Variants in HSPA4L observed in about 807,000 individuals in gnomAD.
HSPA4L encodes heat shock 70 kDa protein 4L.
Under a neutral mutation model 100.3 loss-of-function variants are expected in HSPA4L, and 48 were observed. The observed-to-expected ratio is 0.48, with a 90% CI of 0.38 to 0.61. The LOEUF is 0.61. Among genes scored for constraint, HSPA4L ranks in the 20% least tolerant of loss-of-function variants. HSPA4L has a pLI of 0.00. For synonymous variants in HSPA4L, 319 were observed against 328.2 expected (o/e 0.97, Z 0.30); for missense variants, 886 against 988.6 (o/e 0.90, Z 1.39).
At chr4:127,794,015 C>A in intron 1 of HSPA4L, 62 bp from the exon 2 acceptor site, 1 of 1,176,510 alleles carries the variant, frequency 8.5e-7, no homozygotes, top group Non-Finnish European at 1.2e-6. Flanking sequence ...TAAGGAGAAG[C>A]AAAATAATAG....
intron 12 of HSPA4L, chr4:127,812,754 C>G: frequency 7.1e-7 from 1 of 1,405,262 alleles, no homozygotes; most frequent in East Asian, 2.3e-5. Flanking sequence ...GTTCCAGCAG[C>G]TCAGGCTCCT....
At chr4:127,785,928 T>C (rs1156469641) in intron 1 of HSPA4L, among the ~76,000 whole-genome samples, 2 of 152,224 alleles carry the variant, frequency 1.3e-5, no homozygotes, top group African/African-American at 2.4e-5. Context: ...AGAAGTAGAA[T>C]TACTGAGTGT....
intron 2 of HSPA4L, 75 bp downstream of exon 2, chr4:127,794,209 T>C: frequency 8.5e-7 from 1 of 1,180,502 alleles, no homozygotes; most frequent in Non-Finnish European, 1.3e-6. Context: ...CCTTAAGTTA[T>C]ATTGTTAAGA....
At chr4:127,799,868 A>G (rs898950433) in intron 4 of HSPA4L, among the ~76,000 whole-genome samples, 5 of 152,212 alleles carry the variant, frequency 3.3e-5, no homozygotes, top group African/African-American at 9.6e-5. Flanking sequence ...TGAACCATGC[A>G]TGATAACTTA....
intron 11 of HSPA4L, among the ~76,000 whole-genome samples, chr4:127,810,416 T>A (rs977078436): frequency 1.3e-5 from 2 of 152,134 alleles, no homozygotes; most frequent in Non-Finnish European, 2.9e-5. Flanking sequence ...CGTTAGAAAT[T>A]TGTTGTCTCA....
At chr4:127,825,890 C>G (rs1733936929) in intron 16 of HSPA4L, among the ~76,000 whole-genome samples, 1 of 146,376 alleles carries the variant, frequency 6.8e-6, no homozygotes, top group Non-Finnish European at 1.5e-5. Context: ...TGCGTCATTG[C>G]ACTCCAGCTT....
chr4:127,812,401 TC>T (rs1277974522), intron 12 of HSPA4L, among the ~76,000 whole-genome samples: 1 of 138,210 alleles, frequency 7.2e-6, no homozygotes, highest in African/African-American at 2.7e-5. Context: ...AGAGCGAGAC[TC>T]CATCTCAAAA....
chr4:127,792,261 A>G (rs935786885), intron 1 of HSPA4L, among the ~76,000 whole-genome samples: 6 of 152,212 alleles, frequency 3.9e-5, no homozygotes, highest in African/African-American at 1.4e-4. Context: ...CCTTGATACT[A>G]TCTTATCAAA....
chr4:127,782,783 G>A, intron 1 of HSPA4L, 126 bp downstream of exon 1: 1 of 676,298 alleles, frequency 1.5e-6, no homozygotes, highest in Non-Finnish European at 2.4e-6. Flanking sequence ...CGAGATGACA[G>A]GTGCAACCCG....
chr4:127,808,417 C>G (rs1440921811), intron 11 of HSPA4L, among the ~76,000 whole-genome samples: 1 of 151,516 alleles, frequency 6.6e-6, no homozygotes, highest in Admixed American at 6.6e-5. Flanking sequence ...CTTTTTTTTT[C>G]TTGTCATTAA....
At chr4:127,796,023 G>T (rs189118675) in intron 3 of HSPA4L, 115 bp downstream of exon 3, 1 of 820,944 alleles carries the variant, frequency 1.2e-6, no homozygotes. Flanking sequence ...CATACACACC[G>T]AAGAGATAGT....
intron 6 of HSPA4L, 89 bp downstream of exon 6, chr4:127,802,007 C>A: frequency 9.9e-7 from 1 of 1,010,256 alleles, no homozygotes; most frequent in Non-Finnish European, 1.4e-6. Flanking sequence ...CTGGCTCTGC[C>A]CCTTAAACTA....
At chr4:127,803,935 TG>T (rs1195379096) in intron 7 of HSPA4L, 62 bp downstream of exon 7, 3 of 1,606,902 alleles carry the variant, frequency 1.9e-6, no homozygotes, top group Non-Finnish European at 2.6e-6. Context: ...AGATCACGTC[TG>T]ATTTGTTTGT....
chr4:127,785,204 T>C (rs1358376910), intron 1 of HSPA4L, among the ~76,000 whole-genome samples: 2 of 152,148 alleles, frequency 1.3e-5, no homozygotes, highest in African/African-American at 4.8e-5. Context: ...TAGCCTCTCA[T>C]CTCCTGCATA....
chr4:127,787,567 TTAA>T (rs1351269031), intron 1 of HSPA4L, among the ~76,000 whole-genome samples: 2 of 152,188 alleles, frequency 1.3e-5, no homozygotes, highest in African/African-American at 2.4e-5. Context: ...TCTGCTTTCA[TTAA>T]AAAATAGTTT....
At position 127,782,352 on chromosome 4, in the gene HSPA4L, G is replaced by GT; in HGVS notation, c.-198dup. 3.5e-6 allele frequency: 2 copies of GT among 571,238 alleles called. No individual in the cohort carries two copies. The highest frequency in any genetic ancestry group is 6.1e-5 in the East Asian group (2 of 32,952). The allele number at this position is 571,238 out of a possible 1,614,324, so 35.4% of individuals were successfully genotyped here. A position where few individuals can be genotyped will look rare whatever the true frequency, so the allele number is the denominator to read the frequency against. On this transcript the variant is annotated 5_prime_UTR_variant, in exon 1 of 19. Transcript: ENST00000296464. ...GGAAAGACCCAGGCTGCGGGACGCG[G>GT]TGCAGGCTGCGGCGCTGACGGCCTC...
rs1489569027 is a variant in HSPA4L, at chr4:127,811,616, A to T, written c.1558A>T (p.Asn520Tyr). 2.5e-6 allele frequency: 4 copies of T among 1,612,478 alleles called. No individual in the cohort carries two copies. The East Asian group carries it at 8.9e-5, about 36-fold the overall frequency. Residue 520 changes from asparagine to tyrosine, a missense_variant, in exon 12 of 19, where the codon AAT (asparagine) becomes TAT (tyrosine). Coordinates refer to ENST00000296464, the MANE Select transcript of HSPA4L (RefSeq NM_014278.4). ...APMETETSFKNENKDNMDKMQ... is the reference protein window; with the variant it reads ...APMETETSFKYENKDNMDKMQ... ...AATGGAGACAGAAACTTCATTTAAA[A>T]ATGAAAACAAAGATAATATGGTATG...
At position 127,815,134 on chromosome 4, in the gene HSPA4L, C is replaced by CT. The variant is rs113882065; in HGVS notation, c.1579-3181dup. ...TAAACCAGTGAACATCAGCAGGAGC[C>CT]TTTTTTTTTTCTATGAGGGTCAGTT... On this transcript the variant is annotated intron_variant, in intron 12 of 18. Transcript: ENST00000296464. Among the ~76,000 whole-genome samples the CT allele has an allele frequency of 3.6e-3, 525 of 146,592 alleles. 5 individuals carry two copies. Among genetic ancestry groups the CT allele is most frequent in the African/African-American group, 0.011 (451 of 40,144 alleles).
At chr4:127,797,907 A>G (rs944721072) in intron 3 of HSPA4L, among the ~76,000 whole-genome samples, 3 of 152,170 alleles carry the variant, frequency 2.0e-5, no homozygotes, top group African/African-American at 7.2e-5. Context: ...AGAATACTGT[A>G]TGATCATGCC....
Sources: allele counts gnomAD v4.1 joint callset (sites outside exome capture counted in the v4.1 genomes callset), GRCh38; gene constraint gnomAD v4.1.1; transcripts MANE v1.5; gene names NCBI Gene and HGNC (gene_info 2026-07-23, HGNC 2026-07-21).